Variants in CCSER1 observed in about 807,000 individuals in gnomAD.
The protein encoded by CCSER1 is serine-rich coiled-coil domain-containing protein 1.
Under a neutral mutation model 82.0 loss-of-function variants are expected in CCSER1, and 41 were observed. The observed-to-expected ratio is 0.50, with a 90% CI of 0.39 to 0.65. The LOEUF (loss-of-function observed/expected upper bound fraction) is 0.65, where lower values mean the gene tolerates loss of function less well. Ranked by LOEUF, CCSER1 falls within the 30% of genes least tolerant of loss-of-function variation. The probability of loss-of-function intolerance (pLI) is 0.00; values close to 1 mark genes in which losing one functional copy is unlikely to be tolerated. For missense variants in CCSER1, 1,119 were observed against 1,064.2 expected (o/e 1.05, Z -0.72); for synonymous variants, 414 against 383.9 (o/e 1.08, Z -0.92).
intron 8 of CCSER1, among the ~76,000 whole-genome samples, chr4:90,893,982 A>G (rs1054620442): frequency 1.3e-5 from 2 of 152,032 alleles, no homozygotes; most frequent in African/African-American, 2.4e-5. Flanking sequence ...TTGAAAATCT[A>G]TGTTTAACTT....
intron 10 of CCSER1, among the ~76,000 whole-genome samples, chr4:91,146,699 C>T (rs1057412028): frequency 6.6e-6 from 1 of 151,772 alleles, no homozygotes; most frequent in Non-Finnish European, 1.5e-5. Context: ...TTTCTTCGAG[C>T]TTTCAGAGGG....
chr4:90,951,523 T>C (rs1732910753), intron 9 of CCSER1, among the ~76,000 whole-genome samples: 1 of 152,116 alleles, frequency 6.6e-6, no homozygotes, highest in Non-Finnish European at 1.5e-5. Flanking sequence ...TTCTTCTTTA[T>C]ACATTTCCAT....
intron 5 of CCSER1, among the ~76,000 whole-genome samples, chr4:90,547,122 T>C (rs990176085): frequency 6.6e-6 from 1 of 151,776 alleles, no homozygotes; most frequent in Non-Finnish European, 1.5e-5. Flanking sequence ...TAAATTCATA[T>C]GAGATAAGTT....
chr4:90,575,996 G>A (rs1330337537), intron 5 of CCSER1, among the ~76,000 whole-genome samples: 5 of 151,738 alleles, frequency 3.3e-5, no homozygotes, highest in Admixed American at 2.0e-4. Context: ...TGGAAATGCA[G>A]TTTTCATATC....
chr4:91,018,250 A>C (rs901002368), intron 9 of CCSER1, among the ~76,000 whole-genome samples: 2 of 152,120 alleles, frequency 1.3e-5, no homozygotes, highest in Non-Finnish European at 2.9e-5. Flanking sequence ...ACAAAACTAC[A>C]CTTTCTCTAG....
chr4:91,023,470 T>C (rs1343562718), intron 9 of CCSER1, among the ~76,000 whole-genome samples: 2 of 152,150 alleles, frequency 1.3e-5, no homozygotes, highest in Non-Finnish European at 2.9e-5. Flanking sequence ...TATAGATCAA[T>C]GGGACAGAAC....
At chr4:91,209,703 G>C (rs114553808) in intron 10 of CCSER1, among the ~76,000 whole-genome samples, 1 of 151,780 alleles carries the variant, frequency 6.6e-6, no homozygotes, top group Non-Finnish European at 1.5e-5. Context: ...CCATAACTTC[G>C]TATCAGGATG....
chr4:90,704,406 A>G (rs975794214), intron 6 of CCSER1, among the ~76,000 whole-genome samples: 1 of 151,854 alleles, frequency 6.6e-6, no homozygotes, highest in Admixed American at 6.6e-5. Context: ...TGCCCTTAAC[A>G]TTTTTTCCTT....
At chr4:91,156,245 A>T (rs1404187004) in intron 10 of CCSER1, among the ~76,000 whole-genome samples, 2 of 151,776 alleles carry the variant, frequency 1.3e-5, no homozygotes, top group Non-Finnish European at 2.9e-5. Flanking sequence ...TTACAGATAA[A>T]ACACTAACAA....
intron 5 of CCSER1, among the ~76,000 whole-genome samples, chr4:90,522,068 A>G (rs1306174979): frequency 6.6e-6 from 1 of 152,154 alleles, no homozygotes; most frequent in African/African-American, 2.4e-5. Flanking sequence ...AATGCTCTCT[A>G]GTGAAAACTC....
At chr4:91,058,566 T>C (rs1450030906) in intron 9 of CCSER1, among the ~76,000 whole-genome samples, 1 of 152,072 alleles carries the variant, frequency 6.6e-6, no homozygotes, top group Non-Finnish European at 1.5e-5. Flanking sequence ...AATCTTGTAT[T>C]CTCATTATTA....
At chr4:91,280,312 G>A (rs1742818510) in intron 10 of CCSER1, among the ~76,000 whole-genome samples, 2 of 152,296 alleles carry the variant, frequency 1.3e-5, no homozygotes, top group South Asian at 4.1e-4. Context: ...CACCCAAGTT[G>A]GTATTGCATG....
chr4:91,474,384 C>T (rs566184118), intron 10 of CCSER1, among the ~76,000 whole-genome samples: 7 of 151,710 alleles, frequency 4.6e-5, no homozygotes, highest in South Asian at 4.2e-4. Context: ...TATATAATTA[C>T]ATATATAATC....
At chr4:90,494,351 A>G (rs1034294459) in intron 5 of CCSER1, among the ~76,000 whole-genome samples, 1 of 152,196 alleles carries the variant, frequency 6.6e-6, no homozygotes, top group African/African-American at 2.4e-5. Context: ...CATTAGACAG[A>G]TCCACGAGAC....
intron 10 of CCSER1, among the ~76,000 whole-genome samples, chr4:91,470,348 A>C (rs983475456): frequency 2.0e-5 from 3 of 152,168 alleles, no homozygotes; most frequent in Non-Finnish European, 2.9e-5. Flanking sequence ...AAGTAATTCT[A>C]TTCCTCCTTC....
chr4:91,448,011 T>A (rs10007400), intron 10 of CCSER1, among the ~76,000 whole-genome samples: 123,855 of 151,906 alleles, frequency 0.82, 50,790 homozygotes, highest in East Asian at 0.92. Context: ...AGTGTAAGAG[T>A]TGAGTAATGT....
chr4:91,472,799 A>C (rs901792381), intron 10 of CCSER1, among the ~76,000 whole-genome samples: 3 of 152,170 alleles, frequency 2.0e-5, no homozygotes, highest in African/African-American at 7.2e-5. Context: ...GTGTGTCAGG[A>C]GACTCTCATA....
intron 1 of CCSER1, among the ~76,000 whole-genome samples, chr4:90,280,887 A>G (rs545512199): frequency 5.6e-4 from 85 of 152,130 alleles, no homozygotes; most frequent in Admixed American, 9.2e-4. Context: ...TAGTAGTTCC[A>G]TTCCTTTTGC....
intron 1 of CCSER1, among the ~76,000 whole-genome samples, chr4:90,198,515 G>GTTTTTTT (rs1737029155): frequency 6.6e-6 from 1 of 152,062 alleles, no homozygotes; most frequent in African/African-American, 2.4e-5. Context: ...TCTGTATCAT[G>GTTTTTTT]GTGAAATACT....
Sources: allele counts gnomAD v4.1 joint callset (sites outside exome capture counted in the v4.1 genomes callset), GRCh38; gene constraint gnomAD v4.1.1; transcripts MANE v1.5; gene names NCBI Gene and HGNC (gene_info 2026-07-23, HGNC 2026-07-21).